MAN1A2: variants seen among roughly 807,000 people sequenced by gnomAD.
MAN1A2 encodes the protein mannosidase alpha class 1A member 2, also known as mannosyl-oligosaccharide 1,2-alpha-mannosidase IB.
MAN1A2 carries 26 observed loss-of-function variants against 75.7 expected under a neutral mutation model. The ratio of observed to expected loss-of-function variants is 0.34; its 90% CI spans 0.25 to 0.48. MAN1A2 has a LOEUF of 0.48. MAN1A2 is among the 20% of genes least tolerant of loss of function. The probability of loss-of-function intolerance (pLI) is 0.99; values close to 1 mark genes in which losing one functional copy is unlikely to be tolerated. For missense variants in MAN1A2, 562 were observed against 775.5 expected, an observed-to-expected ratio of 0.72 and a Z score of 3.27; for synonymous variants, 247 against 264.6, an observed-to-expected ratio of 0.93 and a Z score of 0.65.
intron 8 of MAN1A2, among the ~76,000 whole-genome samples, chr1:117,469,227 C>T (rs891840003): frequency 2.0e-5 from 3 of 152,138 alleles, no homozygotes; most frequent in South Asian, 2.1e-4. Context: ...TTCTCTTCAA[C>T]GTTGTGTTGA....
intron 8 of MAN1A2, among the ~76,000 whole-genome samples, chr1:117,472,695 C>T (rs1402276573): frequency 6.6e-6 from 1 of 151,978 alleles, no homozygotes; most frequent in Non-Finnish European, 1.5e-5. Context: ...TTAGTTTTCT[C>T]CTTTTCTCCT....
chr1:117,523,105 A>G lies in MAN1A2; in HGVS notation c.*148A>G. ...TTCCCCCTAAGACTGTTCAACTTGT[A>G]GATACATCAACTTTGAAATTATTCC... On this transcript the variant is annotated 3_prime_UTR_variant, in exon 13 of 13. Coordinates refer to ENST00000356554, the MANE Select transcript of MAN1A2 (RefSeq NM_006699.5). 1.2e-6 allele frequency: 1 copy of G among 835,326 alleles called. No homozygotes were observed. The highest frequency in any genetic ancestry group is 2.0e-6 in the Non-Finnish European group (1 of 497,534). The allele number at this position is 835,326 out of a possible 1,614,324, so 51.7% of individuals were successfully genotyped here.
intron 7 of MAN1A2, among the ~76,000 whole-genome samples, chr1:117,461,474 A>G (rs1649819376): frequency 6.6e-6 from 1 of 152,092 alleles, no homozygotes; most frequent in African/African-American, 2.4e-5. Context: ...AATGAATAAG[A>G]TCTAATGTTT....
chr1:117,373,379 G>T (rs1441720453), intron 1 of MAN1A2, among the ~76,000 whole-genome samples: 1 of 151,610 alleles, frequency 6.6e-6, no homozygotes, highest in African/African-American at 2.4e-5. Context: ...AATTGCTCAT[G>T]GTTATTTTTC....
At chr1:117,519,422 A>T (rs1651809163) in intron 12 of MAN1A2, among the ~76,000 whole-genome samples, 1 of 152,102 alleles carries the variant, frequency 6.6e-6, no homozygotes, top group African/African-American at 2.4e-5. Context: ...GATAAAATTG[A>T]TAGACCATTA....
At chr1:117,417,619 TG>T (rs1648045123) in intron 4 of MAN1A2, among the ~76,000 whole-genome samples, 1 of 147,128 alleles carries the variant, frequency 6.8e-6, no homozygotes, top group Non-Finnish European at 1.5e-5. Flanking sequence ...TTTGTGTTTG[TG>T]CTCTGGTGTC....
intron 1 of MAN1A2, among the ~76,000 whole-genome samples, chr1:117,377,303 A>G (rs1328429168): frequency 6.6e-6 from 1 of 152,202 alleles, no homozygotes; most frequent in Non-Finnish European, 1.5e-5. Context: ...CTCTCTACAT[A>G]AAAAGATTGG....
intron 5 of MAN1A2, among the ~76,000 whole-genome samples, chr1:117,430,063 G>A (rs1489367526): frequency 1.9e-4 from 6 of 32,270 alleles, no homozygotes; most frequent in Admixed American, 2.2e-4. Flanking sequence ...CGGACGGGGC[G>A]GCTGGCTGGG....
Position 117,527,779 on chromosome 1 carries a change from A to T in MAN1A2, c.*4822A>T, listed in dbSNP as rs919253237. The stretch of plus-strand genomic sequence containing the variant: ...TTGCTAGAGCTGCAGAAATTCACCC[A>T]CTTGGGTACTCTTAGAGCTCTACAG... On this transcript the variant is annotated 3_prime_UTR_variant, in exon 13 of 13. Transcript: ENST00000356554. 1 of 152,042 alleles carries T rather than the reference A, an allele frequency of 6.6e-6. No homozygotes were observed. The highest frequency in any genetic ancestry group is 1.5e-5 in the Non-Finnish European group (1 of 67,946). 9.4% of individuals were successfully genotyped at this position (152,042 alleles called of 1,614,324 possible).
At chr1:117,413,841 A>G (rs553146965) in intron 3 of MAN1A2, among the ~76,000 whole-genome samples, 2 of 151,964 alleles carry the variant, frequency 1.3e-5, no homozygotes, top group South Asian at 2.1e-4. Flanking sequence ...CTGCTCCCTG[A>G]TATTTATTTT....
chr1:117,393,050 T>C (rs557885631), intron 1 of MAN1A2, among the ~76,000 whole-genome samples: 1 of 152,360 alleles, frequency 6.6e-6, no homozygotes, highest in African/African-American at 2.4e-5. Context: ...CCAAATGTGA[T>C]ACAATTTGTC....
At chr1:117,439,498 CTT>C (rs552558755) in intron 5 of MAN1A2, among the ~76,000 whole-genome samples, 4 of 147,024 alleles carry the variant, frequency 2.7e-5, no homozygotes, top group African/African-American at 5.0e-5. Context: ...TGTTGTCTTA[CTT>C]TTTTTTTTTT....
intron 1 of MAN1A2, among the ~76,000 whole-genome samples, chr1:117,401,748 T>G (rs1647436797): frequency 6.6e-6 from 1 of 152,188 alleles, no homozygotes; most frequent in South Asian, 2.1e-4. Context: ...AACTTAAAGG[T>G]TTTAGAAGCA....
chr1:117,466,497 TA>T, intron 8 of MAN1A2, 70 bp downstream of exon 8: 1 of 1,012,190 alleles, frequency 9.9e-7, no homozygotes. Flanking sequence ...CTTGATGTTG[TA>T]AAAAGTACAC....
At chr1:117,429,861 C>G (rs1181788554) in intron 5 of MAN1A2, among the ~76,000 whole-genome samples, 2 of 75,674 alleles carry the variant, frequency 2.6e-5, no homozygotes. Context: ...GGGGGGCCGA[C>G]CCCCCCACCT....
At chr1:117,377,672 G>T (rs1013425674) in intron 1 of MAN1A2, among the ~76,000 whole-genome samples, 1 of 149,372 alleles carries the variant, frequency 6.7e-6, no homozygotes, top group Non-Finnish European at 1.5e-5. Flanking sequence ...ATATACAAAG[G>T]GTTTCTTTGT....
chr1:117,507,817 C>T (rs1224158819), intron 12 of MAN1A2, among the ~76,000 whole-genome samples: 1 of 151,634 alleles, frequency 6.6e-6, no homozygotes, highest in Non-Finnish European at 1.5e-5. Flanking sequence ...TGTCCCCTCT[C>T]CAGCTGCAAG....
chr1:117,405,195 A>T lies in MAN1A2; in HGVS notation c.559-354A>T, dbSNP rs181531661. Among the ~76,000 whole-genome samples the T allele has an allele frequency of 2.2e-4, 33 of 152,268 alleles. No individual in the cohort carries two copies. The East Asian group carries it at 5.2e-3, about 24-fold the overall frequency. The stretch of plus-strand genomic sequence containing the variant: ...GATAGGGGATTTTCTAGCTAGGGTG[A>T]GTTAATTGGTGGTAGAAGCAGAGCC... On this transcript the variant is annotated intron_variant, in intron 2 of 12. Coordinates refer to ENST00000356554, the MANE Select transcript of MAN1A2 (RefSeq NM_006699.5).
chr1:117,445,888 A>ATATATATATATATATG (rs1553235503), intron 6 of MAN1A2, among the ~76,000 whole-genome samples: 10 of 143,636 alleles, frequency 7.0e-5, no homozygotes, highest in Middle Eastern at 3.7e-3. Flanking sequence ...GTGTGTGTAT[A>ATATATATATATATATG]TATATATATA....
Sources: gnomAD v4.1 joint callset for allele counts (sites outside exome capture counted in the v4.1 genomes callset) on GRCh38, gnomAD v4.1.1 for gene constraint, MANE v1.5 for transcripts, NCBI Gene and HGNC (gene_info 2026-07-23, HGNC 2026-07-21) for gene names.